GTF2E2: variants seen among roughly 807,000 people sequenced by gnomAD.
GTF2E2 encodes general transcription factor IIE subunit 2.
A neutral mutation model predicts 40.5 loss-of-function variants in GTF2E2; 21 were observed. The ratio of observed to expected loss-of-function variants is 0.52; its 90% confidence interval spans 0.37 to 0.75. The LOEUF is 0.75. Ranked by LOEUF, GTF2E2 falls within the 30% of genes least tolerant of loss-of-function variation. The pLI is 0.00. For missense variants in GTF2E2, 298 were observed against 338.4 expected, an observed-to-expected ratio of 0.88 and a Z score of 0.94; for synonymous variants, 117 against 121.6, an observed-to-expected ratio of 0.96 and a Z score of 0.25.
At chr8:30,656,764 C>A (rs1182685402) in intron 1 of GTF2E2, 1 of 142,450 alleles carries the variant, frequency 7.0e-6, no homozygotes, top group Non-Finnish European at 1.5e-5. Flanking sequence ...GCCAAGATCG[C>A]GCCACTGCAC....
chr8:30,591,312 C>T (rs1828843968), intron 6 of GTF2E2, among the ~76,000 whole-genome samples: 1 of 151,892 alleles, frequency 6.6e-6, no homozygotes, highest in Admixed American at 6.6e-5. Flanking sequence ...AGAGTAAGAC[C>T]CTGCCTCTAT....
intron 6 of GTF2E2, among the ~76,000 whole-genome samples, chr8:30,591,357 A>G (rs1260858536): frequency 6.6e-6 from 1 of 152,044 alleles, no homozygotes; most frequent in Non-Finnish European, 1.5e-5. Context: ...ACCGTGGCAC[A>G]CCTGTTGCCC....
chr8:30,637,249 C>T (rs773234567), intron 2 of GTF2E2: 46 of 455,990 alleles, frequency 1.0e-4, no homozygotes, highest in South Asian at 7.0e-4. Flanking sequence ...GCTTACCCCA[C>T]GCAACTGTAT....
intron 6 of GTF2E2, among the ~76,000 whole-genome samples, chr8:30,582,825 A>C (rs1212490223): frequency 6.6e-6 from 1 of 152,206 alleles, no homozygotes; most frequent in Non-Finnish European, 1.5e-5. Flanking sequence ...GCAAGGTGTT[A>C]TCTCTCAGGT....
chr8:30,605,361 G>GA (rs533593603), intron 6 of GTF2E2, among the ~76,000 whole-genome samples: 2 of 151,454 alleles, frequency 1.3e-5, no homozygotes, highest in South Asian at 4.2e-4. Context: ...GTTTAAAGTT[G>GA]AAAAAAAATC....
intron 3 of GTF2E2, among the ~76,000 whole-genome samples, chr8:30,619,233 C>T (rs1801012845): frequency 6.6e-6 from 1 of 151,998 alleles, no homozygotes; most frequent in Non-Finnish European, 1.5e-5. Flanking sequence ...AGCCACCGTG[C>T]CCAGTCTACT....
At chr8:30,597,604 G>A (rs1167215937) in intron 6 of GTF2E2, 1 of 152,204 alleles carries the variant, frequency 6.6e-6, no homozygotes, top group African/African-American at 2.4e-5. Flanking sequence ...CCAAGGGGGT[G>A]CCTGTCTCTC....
intron 6 of GTF2E2, among the ~76,000 whole-genome samples, chr8:30,589,008 C>T (rs1389529331): frequency 6.6e-6 from 1 of 152,100 alleles, no homozygotes; most frequent in African/African-American, 2.4e-5. Flanking sequence ...AATCCCAGCA[C>T]TTTTGGAGGC....
chr8:30,603,990 G>A lies in GTF2E2; in HGVS notation c.643+3067C>T, dbSNP rs78615271. ...ATTATCAAAATTGACTTGCAAGATA[G>A]AAAACTTAAGGACATAAGCAAATAA... On this transcript the variant is annotated intron_variant, in intron 6 of 7. Transcript: ENST00000355904. Among the ~76,000 whole-genome samples the A allele has an allele frequency of 2.9e-4, 44 of 152,208 alleles. No individual in the cohort carries two copies. In the East Asian group the frequency reaches 8.3e-3, roughly 29 times the overall value.
chr8:30,655,355 AAC>A (rs1225002348), intron 1 of GTF2E2, among the ~76,000 whole-genome samples: 2 of 152,172 alleles, frequency 1.3e-5, no homozygotes, highest in Non-Finnish European at 2.9e-5. Context: ...AAGAATTCTA[AAC>A]ACACCTCTCT....
At chr8:30,651,916 T>C (rs1181808714) in intron 2 of GTF2E2, among the ~76,000 whole-genome samples, 1 of 152,134 alleles carries the variant, frequency 6.6e-6, no homozygotes, top group African/African-American at 2.4e-5. Context: ...AGAAATAAAC[T>C]CTTTGATTTA....
intron 2 of GTF2E2, among the ~76,000 whole-genome samples, chr8:30,636,158 T>C (rs1801593268): frequency 6.6e-6 from 1 of 152,200 alleles, no homozygotes; most frequent in South Asian, 2.1e-4. Flanking sequence ...ATGTCACCAC[T>C]GCATCACAAA....
chr8:30,658,108 G>T lies in GTF2E2; in HGVS notation c.-140C>A. On this transcript the variant is annotated 5_prime_UTR_variant, in exon 1 of 8. Coordinates refer to ENST00000355904, the MANE Select transcript of GTF2E2 (RefSeq NM_002095.6). ...CCGCCTGCCCGCACGCACGCCCAGC[G>T]CTGACCCGCCAGGTCGGGGTCTCAC... The T allele has an allele frequency of 5.6e-6, 1 of 177,526 alleles. No individual in the cohort carries two copies. Among genetic ancestry groups the T allele is most frequent in the South Asian group, 1.0e-4 (1 of 9,946 alleles). The allele number at this position is 177,526 out of a possible 1,614,324, so 11.0% of individuals were successfully genotyped here. A position where few individuals can be genotyped will look rare whatever the true frequency, so the allele number is the denominator to read the frequency against.
intron 6 of GTF2E2, among the ~76,000 whole-genome samples, chr8:30,605,452 AC>A (rs1429618759): frequency 3.3e-5 from 5 of 152,204 alleles, no homozygotes; most frequent in Non-Finnish European, 7.3e-5. Flanking sequence ...AGCAGCTGCC[AC>A]AAAAGAAAGG....
chr8:30,635,914 A>C (rs908505538), intron 2 of GTF2E2, among the ~76,000 whole-genome samples: 1 of 152,206 alleles, frequency 6.6e-6, no homozygotes, highest in Non-Finnish European at 1.5e-5. Flanking sequence ...TAATAGAAAA[A>C]AGATATCACA....
At chr8:30,621,549 TAGTTTTC>T (rs1490164360) in intron 3 of GTF2E2, among the ~76,000 whole-genome samples, 1 of 152,158 alleles carries the variant, frequency 6.6e-6, no homozygotes, top group Non-Finnish European at 1.5e-5. Context: ...AGACTTGATT[TAGTTTTC>T]AGCAAAGAAA....
rs576728644 is a variant in GTF2E2 at position 30,621,404 on chromosome 8, A to G, written c.259-6689T>C. 1.7e-4 allele frequency among the ~76,000 whole-genome samples: 26 copies of G among 152,236 alleles called. 1 individual carries two copies. Among genetic ancestry groups the G allele is most frequent in the Non-Finnish European group, 3.5e-4 (24 of 68,034 alleles). ...TCCAACTATCAAGTTGCTAAGGGGA[A>G]GCTACTGGATCAAAATGAGTGATGA... On this transcript the variant is annotated intron_variant, in intron 3 of 7. Coordinates refer to ENST00000355904, the MANE Select transcript of GTF2E2 (RefSeq NM_002095.6).
At position 30,635,000 on chromosome 8, in the gene GTF2E2, T is replaced by C. The variant is rs377051022; in HGVS notation, c.258+32A>G. On this transcript the variant is annotated intron_variant, in intron 3 of 7. Transcript: ENST00000355904. ...CTCCTTCTTTTGCCAAAAAGTTAAA[T>C]AGGACTTTTGCTATCTGAGAAAAGT... 1,159 of 1,199,178 alleles carry C rather than the reference T, an allele frequency of 9.7e-4. 2 individuals are homozygous for C. Among genetic ancestry groups the C allele is most frequent in the Non-Finnish European group, 1.3e-3 (1,055 of 819,800 alleles). 74.3% of individuals were successfully genotyped at this position (1,199,178 alleles called of 1,614,324 possible).
intron 1 of GTF2E2, among the ~76,000 whole-genome samples, chr8:30,654,812 A>G (rs1802403650): frequency 6.6e-6 from 1 of 152,230 alleles, no homozygotes; most frequent in Non-Finnish European, 1.5e-5. Context: ...AAATTAGAAG[A>G]AGGTGGATTT....
Sources: allele counts gnomAD v4.1 joint callset (sites outside exome capture counted in the v4.1 genomes callset), GRCh38; gene constraint gnomAD v4.1.1; transcripts MANE v1.5; gene names NCBI Gene and HGNC (gene_info 2026-07-23, HGNC 2026-07-21).